The following SPAG17 variants were observed in gnomAD, a reference collection of about 807,000 sequenced individuals.
The protein encoded by SPAG17 is sperm associated antigen 17, also known as sperm-associated antigen 17.
SPAG17 carries 169 observed loss-of-function variants against 273.6 expected under a neutral mutation model. The observed-to-expected ratio is 0.62, with a 90% CI of 0.55 to 0.70. The LOEUF (loss-of-function observed/expected upper bound fraction) is 0.70, where lower values mean the gene tolerates loss of function less well. SPAG17 is among the 30% of genes least tolerant of loss of function. The pLI is 0.00. For missense variants in SPAG17, 2,557 were observed against 2,627.8 expected, an observed-to-expected ratio of 0.97 and a Z score of 0.59; for synonymous variants, 825 against 873.2, an observed-to-expected ratio of 0.94 and a Z score of 0.97.
chr1:118,089,252 A>G (rs1240465972), intron 10 of SPAG17, among the ~76,000 whole-genome samples: 2 of 151,970 alleles, frequency 1.3e-5, no homozygotes, highest in South Asian at 2.1e-4. Context: ...AAAGCTTTCT[A>G]GGCAGAGAAG....
At chr1:117,996,827 T>G (rs1273746099) in intron 32 of SPAG17, 84 bp from the exon 33 acceptor site, 2 of 1,390,964 alleles carry the variant, frequency 1.4e-6, no homozygotes, top group African/African-American at 2.9e-5. Context: ...AGAAAACAGA[T>G]GATTTGGTGG....
At chr1:118,009,538 C>A (rs1377948796) in intron 30 of SPAG17, among the ~76,000 whole-genome samples, 1 of 152,102 alleles carries the variant, frequency 6.6e-6, no homozygotes, top group Non-Finnish European at 1.5e-5. Context: ...TCTGATGCCA[C>A]CTTTCTGACG....
At chr1:118,159,905 C>CGGCT (rs1052398144) in intron 1 of SPAG17, among the ~76,000 whole-genome samples, 54 of 152,282 alleles carry the variant, frequency 3.5e-4, no homozygotes, top group African/African-American at 1.2e-3. Flanking sequence ...GCTGAAATTA[C>CGGCT]GGCTCCATTA....
intron 3 of SPAG17, among the ~76,000 whole-genome samples, chr1:118,137,880 T>G (rs918142052): frequency 6.6e-6 from 1 of 152,228 alleles, no homozygotes; most frequent in African/African-American, 2.4e-5. Flanking sequence ...CTTCCTTTTC[T>G]TGCAGCTGAA....
At chr1:118,031,006 G>A (rs181733758) in intron 25 of SPAG17, among the ~76,000 whole-genome samples, 12 of 152,164 alleles carry the variant, frequency 7.9e-5, no homozygotes, top group African/African-American at 2.4e-4. Flanking sequence ...AGGTCCTTGA[G>A]GAATTGCAAC....
At position 118,058,091 on chromosome 1, in the gene SPAG17, AAAGT is replaced by A. The variant is rs376156550; in HGVS notation, c.2541-2181_2541-2178del. Among the ~76,000 whole-genome samples the A allele has an allele frequency of 4.4e-3, 677 of 152,302 alleles. 5 individuals carry two copies. Among genetic ancestry groups the A allele is most frequent in the African/African-American group, 0.016 (650 of 41,554 alleles). ...AATAAAACCACATGCATTTTCAATA[AAAGT>A]AAGTGAATGGATTAAATTCTTTAGC... is the stretch of plus-strand genomic sequence containing the variant. On this transcript the variant is annotated intron_variant, in intron 18 of 48. Coordinates refer to ENST00000336338, the MANE Select transcript of SPAG17 (RefSeq NM_206996.4).
intron 44 of SPAG17, 139 bp downstream of exon 44, chr1:117,973,286 A>G: frequency 9.2e-7 from 1 of 1,088,800 alleles, no homozygotes; most frequent in Non-Finnish European, 1.3e-6. Context: ...AGCAGTACAC[A>G]GTGGCCGGAA....
chr1:118,086,083 A>T lies in SPAG17; in HGVS notation c.1612-11T>A, dbSNP rs200746336. The T allele has an allele frequency of 4.1e-4, 663 of 1,613,052 alleles. 1 individual carries two copies. The highest frequency in any genetic ancestry group is 5.2e-4 in the Non-Finnish European group (612 of 1,179,712). ...AAAATTCTTTTGGTCCTGATGAAAA[A>T]GAGCAACATGACAGAAGACATTAGA... is the stretch of plus-strand genomic sequence containing the variant. On this transcript the variant is annotated splice_polypyrimidine_tract_variant and intron_variant, in intron 12 of 48. Transcript: ENST00000336338.
At chr1:118,084,050 C>T (rs937290462) in intron 13 of SPAG17, among the ~76,000 whole-genome samples, 7 of 151,914 alleles carry the variant, frequency 4.6e-5, no homozygotes, top group African/African-American at 1.5e-4. Context: ...TGCTGTGCTG[C>T]GTAGAGAGCT....
intron 8 of SPAG17, among the ~76,000 whole-genome samples, chr1:118,092,924 G>A (rs1257953086): frequency 6.6e-6 from 1 of 152,216 alleles, no homozygotes; most frequent in Non-Finnish European, 1.5e-5. Context: ...TGTCACAGAT[G>A]TTATTCATTG....
intron 13 of SPAG17, 99 bp from the exon 14 acceptor site, chr1:118,081,741 C>T: frequency 1.0e-6 from 1 of 969,574 alleles, no homozygotes; most frequent in South Asian, 1.5e-5. Context: ...ACCAGAAAGA[C>T]AAGAGAGTCA....
rs902899924 is a variant in SPAG17, at chr1:117,994,460, T to C, written c.5124A>G (p.Thr1708=). The change falls in exon 35 of 49, where the codon ACA becomes ACG. Residue 1708 remains threonine (T), a synonymous_variant. Transcript: ENST00000336338. Reference sequence around the variant, plus strand: ...TTGACCGGAGATTAGGAGGGACAATTGTATCTTCCTTTTTTACTTGCCATG... The same window carrying C: ...TTGACCGGAGATTAGGAGGGACAATCGTATCTTCCTTTTTTACTTGCCATG... ...ASPWQVKKED[T]IVPPNLRSRS... is the part of the protein sequence containing the mutation. 1.7e-5 allele frequency: 27 copies of C among 1,612,950 alleles called. No homozygotes were observed. Among genetic ancestry groups the C allele is most frequent in the Non-Finnish European group, 2.3e-5 (27 of 1,179,304 alleles).
At position 118,099,633 on chromosome 1, in the gene SPAG17, G is replaced by T. The variant is rs1401401780; in HGVS notation, c.802C>A (p.Gln268Lys). 6.2e-7 allele frequency: 1 copy of T among 1,613,958 alleles called. No homozygotes were observed. The highest frequency in any genetic ancestry group is 8.5e-7 in the Non-Finnish European group (1 of 1,179,942). The change falls in exon 6 of 49, where the codon CAG becomes AAG. Residue 268 changes from glutamine to lysine, a missense_variant. Transcript: ENST00000336338. The stretch of plus-strand genomic sequence containing the variant: ...TCTGACTGAAGAAGAACTTCCTGCT[G>T]CTGGTTAACTGCTGCCAGGTGTGTC... Reference protein sequence around the residue: ...LQTHLAAVNQQQEVLLQSEDL... With the variant: ...LQTHLAAVNQKQEVLLQSEDL...
chr1:118,141,888 T>G (rs7523289), intron 3 of SPAG17, among the ~76,000 whole-genome samples: 14,642 of 152,234 alleles, frequency 0.096, 1,990 homozygotes, highest in African/African-American at 0.3. Context: ...TATATTAGTC[T>G]CCATCACGGC....
chr1:117,961,201 T>G (rs1653044773), intron 48 of SPAG17: 1 of 152,214 alleles, frequency 6.6e-6, no homozygotes, highest in Non-Finnish European at 1.5e-5. Flanking sequence ...GAGAATCACT[T>G]GAACCCGGCA....
intron 30 of SPAG17, among the ~76,000 whole-genome samples, chr1:118,008,935 G>A (rs1009607214): frequency 6.6e-6 from 1 of 151,896 alleles, no homozygotes; most frequent in African/African-American, 2.4e-5. Flanking sequence ...GCCACTGATG[G>A]ACATTTATAT....
intron 10 of SPAG17, among the ~76,000 whole-genome samples, chr1:118,088,008 C>T (rs1439267898): frequency 1.3e-5 from 2 of 152,202 alleles, no homozygotes; most frequent in East Asian, 1.9e-4. Context: ...AGAACCACTG[C>T]TCTAGAATAA....
intron 42 of SPAG17, among the ~76,000 whole-genome samples, chr1:117,982,893 G>T (rs1024218359): frequency 1.3e-5 from 2 of 152,104 alleles, no homozygotes; most frequent in African/African-American, 2.4e-5. Context: ...TTTTGAAGAG[G>T]CTGGGCTGGT....
chr1:118,148,006 G>A (rs1187698606), intron 3 of SPAG17, among the ~76,000 whole-genome samples: 1 of 152,162 alleles, frequency 6.6e-6, no homozygotes, highest in African/African-American at 2.4e-5. Flanking sequence ...TACCCTACAA[G>A]TAGAAGTAAA....
Sources: allele counts gnomAD v4.1 joint callset (sites outside exome capture counted in the v4.1 genomes callset), GRCh38; gene constraint gnomAD v4.1.1; transcripts MANE v1.5; gene names NCBI Gene and HGNC (gene_info 2026-07-23, HGNC 2026-07-21).